The following MCTP1 variants were observed in gnomAD, a reference collection of about 807,000 sequenced individuals.
MCTP1 encodes multiple C2 and transmembrane domain-containing protein 1.
Under a neutral mutation model 120.6 loss-of-function variants are expected in MCTP1, and 69 were observed. That is an observed-to-expected ratio of 0.57 (90% CI 0.47 to 0.70). The LOEUF (loss-of-function observed/expected upper bound fraction) is 0.70. Among genes scored for constraint, MCTP1 ranks in the 30% least tolerant of loss-of-function variants. The pLI is 0.00. For synonymous variants in MCTP1, 529 were observed against 493.1 expected (o/e 1.07, Z -0.96); for missense variants, 1,203 against 1,248.8 (o/e 0.96, Z 0.55).
At chr5:94,768,577 A>G (rs910811812) in intron 19 of MCTP1, among the ~76,000 whole-genome samples, 1 of 152,206 alleles carries the variant, frequency 6.6e-6, no homozygotes, top group East Asian at 1.9e-4. Flanking sequence ...TGGGCTAAGG[A>G]TCTGAACAGA....
At chr5:94,946,253 T>C (rs1338913627) in intron 3 of MCTP1, among the ~76,000 whole-genome samples, 1 of 152,136 alleles carries the variant, frequency 6.6e-6, no homozygotes, top group Non-Finnish European at 1.5e-5. Flanking sequence ...CATGCTTCTT[T>C]ACTCAAGTCT....
intron 1 of MCTP1, among the ~76,000 whole-genome samples, chr5:95,133,743 C>T (rs1759231772): frequency 6.6e-6 from 1 of 152,186 alleles, no homozygotes; most frequent in African/African-American, 2.4e-5. Context: ...GTACTGTACT[C>T]ACGTATTTTT....
At chr5:95,111,944 A>C (rs1562152167) in intron 1 of MCTP1, among the ~76,000 whole-genome samples, 1 of 152,196 alleles carries the variant, frequency 6.6e-6, no homozygotes, top group Non-Finnish European at 1.5e-5. Context: ...GTATGTTAAT[A>C]GACCCAAAAT....
intron 2 of MCTP1, among the ~76,000 whole-genome samples, chr5:94,964,853 T>C (rs954472974): frequency 6.6e-6 from 1 of 152,210 alleles, no homozygotes; most frequent in African/African-American, 2.4e-5. Context: ...TAATTATTGA[T>C]AGGTAAGACC....
intron 2 of MCTP1, among the ~76,000 whole-genome samples, chr5:94,960,777 T>A (rs900697863): frequency 6.6e-6 from 1 of 152,160 alleles, no homozygotes; most frequent in African/African-American, 2.4e-5. Context: ...AAACAACAGA[T>A]GCTGGAGAGG....
chr5:95,022,639 T>C lies in MCTP1; in HGVS notation c.721-5155A>G, dbSNP rs553415856. ...GTAGAAACATCAATGGGAATCTAAA[T>C]AAAGTTGGCGAATCCATGGGCAGTT... On this transcript the variant is annotated intron_variant, in intron 1 of 22. Transcript: ENST00000515393. Among the ~76,000 whole-genome samples the C allele has an allele frequency of 5.3e-5, 8 of 152,258 alleles. No individual in the cohort carries two copies. In the South Asian group the frequency reaches 1.5e-3, roughly 28 times the overall value.
intron 1 of MCTP1, among the ~76,000 whole-genome samples, chr5:95,048,349 G>C (rs886624623): frequency 6.6e-6 from 1 of 152,152 alleles, no homozygotes; most frequent in Non-Finnish European, 1.5e-5. Context: ...CATGGAAGGA[G>C]AGAAACAGAG....
chr5:95,091,095 A>G (rs560288751), intron 1 of MCTP1, among the ~76,000 whole-genome samples: 1 of 151,968 alleles, frequency 6.6e-6, no homozygotes, highest in African/African-American at 2.4e-5. Flanking sequence ...CCCATTCCAC[A>G]CCTTCCCCCC....
At chr5:95,235,214 C>T (rs1257893837) in intron 1 of MCTP1, among the ~76,000 whole-genome samples, 1 of 151,480 alleles carries the variant, frequency 6.6e-6, no homozygotes. Flanking sequence ...AAATAAAATC[C>T]ACATAATAAT....
At chr5:95,106,184 C>T (rs1201101280) in intron 1 of MCTP1, among the ~76,000 whole-genome samples, 1 of 152,204 alleles carries the variant, frequency 6.6e-6, no homozygotes, top group Non-Finnish European at 1.5e-5. Context: ...CACAGATGGG[C>T]CATCGCAGAA....
At chr5:94,845,334 T>A (rs1348217089) in intron 17 of MCTP1, among the ~76,000 whole-genome samples, 2 of 152,156 alleles carry the variant, frequency 1.3e-5, no homozygotes, top group Admixed American at 1.3e-4. Flanking sequence ...CTGCCCTTTA[T>A]AAAACCATCA....
intron 17 of MCTP1, among the ~76,000 whole-genome samples, chr5:94,841,265 T>C (rs1430620673): frequency 2.0e-5 from 3 of 152,190 alleles, no homozygotes; most frequent in Admixed American, 1.3e-4. Context: ...AGTACTTATG[T>C]TGACAATCTC....
intron 18 of MCTP1, among the ~76,000 whole-genome samples, chr5:94,780,625 G>A (rs988518250): frequency 6.6e-6 from 1 of 152,140 alleles, no homozygotes; most frequent in Non-Finnish European, 1.5e-5. Flanking sequence ...TATCTGATGA[G>A]AGCTTACACT....
At chr5:94,861,899 T>G (rs559617744) in intron 17 of MCTP1, among the ~76,000 whole-genome samples, 1 of 151,804 alleles carries the variant, frequency 6.6e-6, no homozygotes, top group East Asian at 2.0e-4. Context: ...GGAGGAAGCT[T>G]GAAGTGAAGT....
chr5:95,038,718 G>T (rs1027213914), intron 1 of MCTP1, among the ~76,000 whole-genome samples: 3 of 152,208 alleles, frequency 2.0e-5, no homozygotes, highest in Non-Finnish European at 4.4e-5. Flanking sequence ...ACACATTTAT[G>T]CAGTGTTTAC....
chr5:95,265,936 C>A (rs995407271), intron 1 of MCTP1, among the ~76,000 whole-genome samples: 35 of 152,262 alleles, frequency 2.3e-4, no homozygotes, highest in African/African-American at 7.2e-4. Context: ...AAAGGAATCT[C>A]GCTTCTGAAA....
intron 17 of MCTP1, among the ~76,000 whole-genome samples, chr5:94,840,535 T>G (rs1430176633): frequency 1.3e-5 from 2 of 152,230 alleles, no homozygotes; most frequent in African/African-American, 4.8e-5. Context: ...CTGCTCTAGA[T>G]GTTTCAAGGT....
chr5:95,138,904 T>G (rs948149501), intron 1 of MCTP1, among the ~76,000 whole-genome samples: 53 of 152,338 alleles, frequency 3.5e-4, no homozygotes, highest in African/African-American at 1.2e-3. Flanking sequence ...TAATTCTTTT[T>G]CTGATGTGTC....
intron 19 of MCTP1, among the ~76,000 whole-genome samples, chr5:94,774,207 C>A (rs1218473292): frequency 2.4e-4 from 1 of 4,182 alleles, no homozygotes; most frequent in Non-Finnish European, 3.4e-4. Flanking sequence ...GACTCCGTCT[C>A]AAAAAAAAAA....
Sources: allele counts gnomAD v4.1 joint callset (sites outside exome capture counted in the v4.1 genomes callset), GRCh38; gene constraint gnomAD v4.1.1; transcripts MANE v1.5; gene names NCBI Gene and HGNC (gene_info 2026-07-23, HGNC 2026-07-21).